Variants in POLD3 observed in about 807,000 individuals in gnomAD.
The protein encoded by POLD3 is DNA polymerase delta 3, accessory subunit, also known as DNA polymerase delta subunit 3.
A neutral mutation model predicts 58.2 loss-of-function variants in POLD3; 19 were observed. The observed-to-expected ratio is 0.33, with a 90% CI of 0.23 to 0.48. POLD3 has a LOEUF of 0.48. POLD3 is among the 20% of genes least tolerant of loss of function. POLD3 has a pLI of 0.99. For missense variants in POLD3, 504 were observed against 545.5 expected (o/e 0.92, Z 0.76); for synonymous variants, 172 against 193.5 (o/e 0.89, Z 0.92).
chr11:74,660,201 T>C (rs768878301), intron 4 of POLD3, among the ~76,000 whole-genome samples: 1 of 152,126 alleles, frequency 6.6e-6, no homozygotes, highest in Non-Finnish European at 1.5e-5. Context: ...ATCATGAGAA[T>C]AGCACAGGAA....
At chr11:74,639,596 A>G (rs1334220616) in intron 11 of POLD3, among the ~76,000 whole-genome samples, 1 of 152,248 alleles carries the variant, frequency 6.6e-6, no homozygotes, top group Non-Finnish European at 1.5e-5. Context: ...CTAAAATTAC[A>G]GAAAGGTGGC....
chr11:74,656,337 CCG>C (rs201268852), intron 4 of POLD3, among the ~76,000 whole-genome samples: 2 of 152,044 alleles, frequency 1.3e-5, no homozygotes, highest in Non-Finnish European at 2.9e-5. Flanking sequence ...GCCTGTAATC[CCG>C]CCACTTTGGG....
chr11:74,611,578 G>C (rs148051926), intron 4 of POLD3, 40 bp downstream of exon 4: 1 of 1,198,508 alleles, frequency 8.3e-7, no homozygotes, highest in African/African-American at 1.5e-5. Flanking sequence ...TCCTCTTATG[G>C]CATCAGTGTA....
chr11:74,662,470 A>G (rs975285721), intron 4 of POLD3, among the ~76,000 whole-genome samples: 2 of 152,056 alleles, frequency 1.3e-5, no homozygotes, highest in Non-Finnish European at 2.9e-5. Context: ...TGTGTCTAGA[A>G]ATATCTGGGA....
intron 4 of POLD3, among the ~76,000 whole-genome samples, chr11:74,660,655 G>A (rs1167769121): frequency 6.6e-6 from 1 of 152,064 alleles, no homozygotes; most frequent in Non-Finnish European, 1.5e-5. Context: ...TAGTGAGTGA[G>A]TTCTCATGAG....
At chr11:74,635,481 G>C (rs1240537593) in intron 10 of POLD3, among the ~76,000 whole-genome samples, 1 of 152,178 alleles carries the variant, frequency 6.6e-6, no homozygotes, top group African/African-American at 2.4e-5. Context: ...CCTGAGTCCA[G>C]GAGTTTGAGA....
intron 4 of POLD3, among the ~76,000 whole-genome samples, chr11:74,657,818 C>T (rs1471179967): frequency 6.6e-6 from 1 of 152,180 alleles, no homozygotes; most frequent in Non-Finnish European, 1.5e-5. Context: ...TTTAGCATTT[C>T]TTGTAAGACA....
chr11:74,599,072 A>G (rs911026340), intron 2 of POLD3, among the ~76,000 whole-genome samples: 4 of 152,216 alleles, frequency 2.6e-5, no homozygotes, highest in African/African-American at 9.6e-5. Context: ...TCACTGTATC[A>G]CCCAGGCTGG....
At chr11:74,623,308 G>T (rs1480998060) in intron 7 of POLD3, among the ~76,000 whole-genome samples, 2 of 152,036 alleles carry the variant, frequency 1.3e-5, no homozygotes, top group East Asian at 3.9e-4. Context: ...GTTGGTGGGC[G>T]CCTGTAGTCC....
downstream of POLD3, among the ~76,000 whole-genome samples, chr11:74,646,435 C>T (rs1591324807): frequency 6.6e-6 from 1 of 152,124 alleles, no homozygotes; most frequent in Non-Finnish European, 1.5e-5. Flanking sequence ...AACAAAGATT[C>T]AATTATGTTC....
chr11:74,655,758 A>G (rs2033126185), intron 4 of POLD3, among the ~76,000 whole-genome samples: 1 of 152,220 alleles, frequency 6.6e-6, no homozygotes, highest in Non-Finnish European at 1.5e-5. Context: ...CATATATCAT[A>G]CTTTGTGATG....
chr11:74,611,400 T>C (rs1249354461), intron 3 of POLD3, 99 bp from the exon 4 acceptor site: 1 of 727,680 alleles, frequency 1.4e-6, no homozygotes, highest in African/African-American at 1.8e-5. Flanking sequence ...CCTGGTGTTT[T>C]CCTAATTTCA....
chr11:74,637,501 A>G (rs760991224), intron 11 of POLD3, among the ~76,000 whole-genome samples: 7 of 128,648 alleles, frequency 5.4e-5, no homozygotes, highest in Non-Finnish European at 1.1e-4. Context: ...TGGTTTGGCC[A>G]TGGGTGATAA....
intron 2 of POLD3, among the ~76,000 whole-genome samples, chr11:74,600,641 AC>A (rs993415191): frequency 1.3e-4 from 20 of 152,168 alleles, no homozygotes; most frequent in African/African-American, 4.3e-4. Flanking sequence ...CTCCAAAAAA[AC>A]AGAAAAGTTT....
At chr11:74,603,541 A>G (rs2031572361) in intron 2 of POLD3, among the ~76,000 whole-genome samples, 2 of 152,190 alleles carry the variant, frequency 1.3e-5, no homozygotes, top group Non-Finnish European at 2.9e-5. Flanking sequence ...CCACATCCCA[A>G]GAAACCCCTC....
chr11:74,592,677 C>G lies in POLD3; in HGVS notation c.19C>G (p.Leu7Val). 6.2e-7 allele frequency: 1 copy of G among 1,613,884 alleles called. No individual in the cohort carries two copies. Among genetic ancestry groups the G allele is most frequent in the Non-Finnish European group, 8.5e-7 (1 of 1,179,930 alleles). The change falls in exon 1 of 12, where the codon CTG becomes GTG. Residue 7 changes from leucine (L) to valine (V), a missense_variant. Leu to Val is a conservative substitution (Grantham distance 32, BLOSUM62 1). Transcript: ENST00000263681. Reference protein sequence around the residue: MADQLYLENIDEFVTDQ... With the variant: MADQLYVENIDEFVTDQ... ...CCGCACCATGGCGGACCAGCTTTAT[C>G]TGGAAAATATAGACGAGTTCGTCAC...
intron 5 of POLD3, among the ~76,000 whole-genome samples, chr11:74,617,903 G>A (rs1319517049): frequency 6.6e-6 from 1 of 152,028 alleles, no homozygotes; most frequent in Non-Finnish European, 1.5e-5. Flanking sequence ...ATTTTTTGTA[G>A]AGACAAGGTT....
chr11:74,602,035 C>T (rs1171486637), intron 2 of POLD3, among the ~76,000 whole-genome samples: 1 of 152,138 alleles, frequency 6.6e-6, no homozygotes, highest in Non-Finnish European at 1.5e-5. Flanking sequence ...AGGGTCTTAC[C>T]TGTCATTGCT....
rs114835932 is a variant in POLD3, at chr11:74,618,951, T to C, written c.660+147T>C. On this transcript the variant is annotated intron_variant, in intron 6 of 11. Coordinates refer to ENST00000263681, the MANE Select transcript of POLD3 (RefSeq NM_006591.3). ...TACTTTAGTTTGAACCCTTTAATAC[T>C]TGATATTGTTATCTGAAAGAGTTCT... The C allele has an allele frequency of 1.2e-3, 760 of 659,274 alleles. 10 individuals carry two copies. The African/African-American group carries it at 0.013, about 11-fold the overall frequency. The allele number at this position is 659,274 out of a possible 1,614,324, so 40.8% of individuals were successfully genotyped here.
Sources: gnomAD v4.1 joint callset for allele counts (sites outside exome capture counted in the v4.1 genomes callset) on GRCh38, gnomAD v4.1.1 for gene constraint, MANE v1.5 for transcripts, NCBI Gene and HGNC (gene_info 2026-07-23, HGNC 2026-07-21) for gene names.